IVD: variants seen among roughly 807,000 people sequenced by gnomAD.
The protein encoded by IVD is isovaleryl-CoA dehydrogenase, mitochondrial.
In IVD, 31 loss-of-function variants were observed where a neutral mutation model predicts 51.3. The ratio of observed to expected loss-of-function variants is 0.60; its 90% CI spans 0.45 to 0.81. The LOEUF (loss-of-function observed/expected upper bound fraction) is 0.81. Ranked by LOEUF, IVD falls within the 40% of genes least tolerant of loss-of-function variation. IVD has a pLI of 0.00. For synonymous variants in IVD, 205 were observed against 219.4 expected (o/e 0.93, Z 0.58); for missense variants, 475 against 552.0 (o/e 0.86, Z 1.40).
intron 2 of IVD, 37 bp from the exon 3 acceptor site, chr15:40,407,902 T>G (rs745448938): frequency 6.2e-7 from 1 of 1,611,698 alleles, no homozygotes; most frequent in Middle Eastern, 1.7e-4. Context: ...TGCCTTCCCC[T>G]CAACACTTAT....
Position 40,406,978 on chromosome 15 carries a change from C to T in IVD, c.145-658C>T, listed in dbSNP as rs528069536. Among the ~76,000 whole-genome samples, 6 of 152,226 alleles carry T rather than the reference C, an allele frequency of 3.9e-5. No individual in the cohort carries two copies. In the South Asian group the frequency reaches 1.2e-3, roughly 32 times the overall value. ...TCCCGGGTTCAAGTGATTCTCCTGCCTCAGCCTCCCAGGTAGCTGGGATTA... is the reference window on the plus strand; with the variant it reads ...TCCCGGGTTCAAGTGATTCTCCTGCTTCAGCCTCCCAGGTAGCTGGGATTA... On this transcript the variant is annotated intron_variant, in intron 1 of 11. Coordinates refer to ENST00000487418, the MANE Select transcript of IVD (RefSeq NM_002225.5).
At chr15:40,407,232 G>T (rs1380142973) in intron 1 of IVD, among the ~76,000 whole-genome samples, 1 of 152,256 alleles carries the variant, frequency 6.6e-6, no homozygotes, top group Non-Finnish European at 1.5e-5. Flanking sequence ...GCTTAAAAGA[G>T]CCTGACAACT....
chr15:40,417,363 C>A (rs549200778), intron 11 of IVD, among the ~76,000 whole-genome samples: 8 of 151,940 alleles, frequency 5.3e-5, no homozygotes, highest in African/African-American at 1.9e-4. Context: ...CAAAAATTAG[C>A]TGGGTGCAGT....
At chr15:40,430,338 C>A (rs974572632) in intron 7 of IVD, among the ~76,000 whole-genome samples, 1 of 152,230 alleles carries the variant, frequency 6.6e-6, no homozygotes, top group African/African-American at 2.4e-5. Flanking sequence ...CCAGGAATCA[C>A]CGGCTTGCCA....
At chr15:40,435,800 C>A, downstream of IVD, 2 of 755,336 alleles carry the variant, frequency 2.6e-6, no homozygotes, top group Non-Finnish European at 3.2e-6. Context: ...CCGAAGAGTG[C>A]CTGCTCCTTC....
rs1320413094 is a variant in IVD at position 40,420,200 on chromosome 15, GCTC to G, written c.*1943_*1945del. ...GCTTTTGTGTACTGTTGGAAGACTG[GCTC>G]CTCCTGTACAGCACCTCTGAGCCCT... On this transcript the variant is annotated 3_prime_UTR_variant, in exon 12 of 12. Coordinates refer to ENST00000487418, the MANE Select transcript of IVD (RefSeq NM_002225.5). The G allele has an allele frequency of 8.2e-5, 81 of 986,076 alleles. No homozygotes were observed. The highest frequency in any genetic ancestry group is 5.7e-4 in the East Asian group (5 of 8,812). The allele number at this position is 986,076 out of a possible 1,614,324, so 61.1% of individuals were successfully genotyped here.
At chr15:40,408,042 A>T (rs1890656246) in intron 3 of IVD, 52 bp downstream of exon 3, 1 of 1,524,124 alleles carries the variant, frequency 6.6e-7, no homozygotes, top group Non-Finnish European at 9.1e-7. Flanking sequence ...GCCCTTTAAG[A>T]CAGTTCCCAA....
chr15:40,433,490 A>G (rs1471271809), intron 7 of IVD, among the ~76,000 whole-genome samples: 2 of 152,176 alleles, frequency 1.3e-5, no homozygotes, highest in African/African-American at 2.4e-5. Context: ...AAAGGAACCA[A>G]CATAGTGGAT....
Position 40,416,360 on chromosome 15 carries a change from T to G in IVD, c.1136T>G (p.Phe379Cys). 1 of 1,613,878 alleles carries G rather than the reference T, an allele frequency of 6.2e-7. No individual in the cohort carries two copies. The highest frequency in any genetic ancestry group is 8.5e-7 in the Non-Finnish European group (1 of 1,179,964). ...TQVALDGIQC[F>C]GGNGYINDFP... is the part of the protein sequence containing the mutation. Reference sequence around the variant, plus strand: ...GTAGCCCTGGACGGCATTCAGTGTTTTGGTGAGTGATCCCCACTTCCCAGT... The same window carrying G: ...GTAGCCCTGGACGGCATTCAGTGTTGTGGTGAGTGATCCCCACTTCCCAGT... Residue 379 changes from phenylalanine (F) to cysteine (C), a missense_variant and splice_region_variant, in exon 11 of 12, where the codon TTT becomes TGT. Transcript: ENST00000487418.
chr15:40,415,520 T>C lies in IVD; in HGVS notation c.960+38T>C, dbSNP rs759169323. 14 of 1,561,782 alleles carry C rather than the reference T, an allele frequency of 9.0e-6. No individual in the cohort carries two copies. In the African/African-American group the frequency reaches 1.2e-4, roughly 14 times the overall value. On this transcript the variant is annotated intron_variant, in intron 9 of 11. Transcript: ENST00000487418. ...CTTTTGCTGACATGTACTCTTCAAC[T>C]GGGCTAAAGTTTTCTTTGAAAAGAG...
chr15:40,420,234 A>G lies in IVD; in HGVS notation c.*1971A>G, dbSNP rs1595805191. 1 of 986,952 alleles carries G rather than the reference A, an allele frequency of 1.0e-6. No homozygotes were observed. Among genetic ancestry groups the G allele is most frequent in the Non-Finnish European group, 1.2e-6 (1 of 830,186 alleles). The allele number at this position is 986,952 out of a possible 1,614,324, so 61.1% of individuals were successfully genotyped here. Reference sequence around the variant, plus strand: ...GTACAGCACCTCTGAGCCCTTGTGCACCGCCCTGCCACGGGCACCATCCAG... The same window carrying G: ...GTACAGCACCTCTGAGCCCTTGTGCGCCGCCCTGCCACGGGCACCATCCAG... On this transcript the variant is annotated 3_prime_UTR_variant, in exon 12 of 12. Coordinates refer to ENST00000487418, the MANE Select transcript of IVD (RefSeq NM_002225.5).
At chr15:40,418,004 A>G (rs1223518318) in intron 11 of IVD, 126 bp from the exon 12 acceptor site, 10 of 1,374,654 alleles carry the variant, frequency 7.3e-6, no homozygotes, top group East Asian at 2.5e-5. Flanking sequence ...CCCTCTTGCT[A>G]CCTTTTGCTG....
In IVD at chr15:40,421,195, C is replaced by T; in HGVS notation, c.*2932C>T. The T allele has an allele frequency of 1.0e-6, 1 of 985,408 alleles. No homozygotes were observed. The highest frequency in any genetic ancestry group is 1.2e-6 in the Non-Finnish European group (1 of 829,924). 61.0% of individuals were successfully genotyped at this position (985,408 alleles called of 1,614,324 possible). On this transcript the variant is annotated 3_prime_UTR_variant, in exon 12 of 12. Coordinates refer to ENST00000487418, the MANE Select transcript of IVD (RefSeq NM_002225.5). ...CTGGAGACAATGTGGCAAAATGGGG[C>T]GCTTCATCCAGTCTGTCTAAGCCCT...
At chr15:40,416,386 C>A in intron 11 of IVD, 24 bp downstream of exon 11, 1 of 1,607,426 alleles carries the variant, frequency 6.2e-7, no homozygotes, top group South Asian at 1.1e-5. Flanking sequence ...ACTTCCCAGT[C>A]CCGGGGCTCC....
chr15:40,423,125 G>T (rs2141403176), downstream of IVD, among the ~76,000 whole-genome samples: 1 of 151,502 alleles, frequency 6.6e-6, no homozygotes, highest in South Asian at 2.1e-4. Flanking sequence ...TTTTTGTAGA[G>T]CCGGGCTTTC....
downstream of IVD, among the ~76,000 whole-genome samples, chr15:40,425,439 A>AATATATATATATATATATAT (rs1566949596): frequency 1.4e-5 from 1 of 73,482 alleles, no homozygotes; most frequent in African/African-American, 4.3e-5. Flanking sequence ...CTGGACTCAT[A>AATATATATATATATATATAT]CTATATATAT....
In IVD at chr15:40,414,974, G is replaced by T. The variant is rs1285915480; in HGVS notation, c.870G>T (p.Gly290=). ...TGGAGCGGCTGGTGCTGGCCGGGGGGCCTCTTGGGTAAGTGTGAGAGGCTT... is the reference window on the plus strand; with the variant it reads ...TGGAGCGGCTGGTGCTGGCCGGGGGTCCTCTTGGGTAAGTGTGAGAGGCTT... ...LDLERLVLAG[G]PLGLMQAVLD... The change falls in exon 8 of 12, where the codon GGG becomes GGT. Residue 290 remains glycine, a synonymous_variant. Transcript: ENST00000487418. The T allele has an allele frequency of 1.2e-6, 2 of 1,613,652 alleles. No homozygotes were observed. The highest frequency in any genetic ancestry group is 1.7e-6 in the Non-Finnish European group (2 of 1,179,940).
chr15:40,422,521 G>T (rs1892387935), downstream of IVD, among the ~76,000 whole-genome samples: 1 of 141,736 alleles, frequency 7.1e-6, no homozygotes, highest in Non-Finnish European at 1.5e-5. Flanking sequence ...CCGACCTCAT[G>T]ATCTACCCAC....
chr15:40,434,862 C>T (rs1252003180), intron 8 of IVD, among the ~76,000 whole-genome samples: 1 of 152,216 alleles, frequency 6.6e-6, no homozygotes, highest in East Asian at 1.9e-4. Context: ...TGAGGCTTCA[C>T]TGACACCCTC....
Sources: gnomAD v4.1 joint callset for allele counts (sites outside exome capture counted in the v4.1 genomes callset) on GRCh38, gnomAD v4.1.1 for gene constraint, MANE v1.5 for transcripts, NCBI Gene and HGNC (gene_info 2026-07-23, HGNC 2026-07-21) for gene names.